SPAG16: variants seen among roughly 807,000 people sequenced by gnomAD.
The protein encoded by SPAG16 is sperm-associated antigen 16 protein.
Under a neutral mutation model 80.4 loss-of-function variants are expected in SPAG16, and 86 were observed. The ratio of observed to expected loss-of-function variants is 1.07; its 90% confidence interval spans 0.90 to 1.28. SPAG16 has a LOEUF of 1.28. Among genes scored for constraint, SPAG16 ranks in the 50% most tolerant of loss-of-function variants. SPAG16 has a pLI of 0.00. For missense variants in SPAG16, 870 were observed against 765.3 expected (o/e 1.14, Z -1.61); for synonymous variants, 294 against 265.9 (o/e 1.11, Z -1.03).
chr2:213,671,572 A>G (rs943142219), intron 10 of SPAG16, among the ~76,000 whole-genome samples: 1 of 152,022 alleles, frequency 6.6e-6, no homozygotes, highest in Non-Finnish European at 1.5e-5. Context: ...CCTCCATAAG[A>G]TTTCTTCCTC....
intron 10 of SPAG16, among the ~76,000 whole-genome samples, chr2:213,756,209 G>C (rs1559441316): frequency 6.6e-6 from 1 of 152,124 alleles, no homozygotes; most frequent in African/African-American, 2.4e-5. Flanking sequence ...GGCCAGGCAC[G>C]ATGGCTCATG....
intron 9 of SPAG16, among the ~76,000 whole-genome samples, chr2:213,425,971 C>T (rs1456335224): frequency 6.6e-6 from 1 of 152,110 alleles, no homozygotes; most frequent in Non-Finnish European, 1.5e-5. Flanking sequence ...TTTTCTCATT[C>T]CATATTCTTA....
chr2:213,484,252 A>C (rs539098023), intron 9 of SPAG16, among the ~76,000 whole-genome samples: 2 of 152,230 alleles, frequency 1.3e-5, no homozygotes, highest in Non-Finnish European at 2.9e-5. Context: ...ACATTTGGGA[A>C]ACATCATTTT....
intron 10 of SPAG16, among the ~76,000 whole-genome samples, chr2:213,709,351 C>A (rs528078254): frequency 6.6e-6 from 1 of 152,104 alleles, no homozygotes; most frequent in Admixed American, 6.5e-5. Flanking sequence ...ATAGGAGGGA[C>A]AAGACATTCC....
chr2:214,144,320 C>G (rs1378697815), intron 14 of SPAG16, among the ~76,000 whole-genome samples: 1 of 151,862 alleles, frequency 6.6e-6, no homozygotes, highest in Non-Finnish European at 1.5e-5. Context: ...TACACAAAAG[C>G]TTTAATAAAT....
At chr2:213,396,257 A>G (rs2068027500) in intron 9 of SPAG16, among the ~76,000 whole-genome samples, 1 of 152,178 alleles carries the variant, frequency 6.6e-6, no homozygotes, top group South Asian at 2.1e-4. Context: ...GAAATATTTT[A>G]TATTTTTATA....
chr2:213,711,785 G>T (rs2066000954), intron 10 of SPAG16, among the ~76,000 whole-genome samples: 1 of 151,928 alleles, frequency 6.6e-6, no homozygotes, highest in Admixed American at 6.6e-5. Context: ...CTCCCAAAGT[G>T]CTGGGATTAT....
At position 213,770,480 on chromosome 2, in the gene SPAG16, A is replaced by T. The variant is rs146596338; in HGVS notation, c.1071-92005A>T. The stretch of plus-strand genomic sequence containing the variant: ...TAAATTTAATTTAATTTTAAGTTCC[A>T]GGGTACATATGCAGGACATGCAGGT... On this transcript the variant is annotated intron_variant, in intron 10 of 15. Coordinates refer to ENST00000331683, the MANE Select transcript of SPAG16 (RefSeq NM_024532.5). Among the ~76,000 whole-genome samples, 6 of 152,256 alleles carry T rather than the reference A, an allele frequency of 3.9e-5. No homozygotes were observed. The East Asian group carries it at 9.6e-4, about 24-fold the overall frequency.
At chr2:213,713,856 C>G (rs2066114970) in intron 10 of SPAG16, among the ~76,000 whole-genome samples, 1 of 152,116 alleles carries the variant, frequency 6.6e-6, no homozygotes, top group Non-Finnish European at 1.5e-5. Context: ...TTATCTATCA[C>G]AGGAAAGAAG....
At chr2:213,802,668 A>C (rs1292854314) in intron 10 of SPAG16, among the ~76,000 whole-genome samples, 1 of 152,182 alleles carries the variant, frequency 6.6e-6, no homozygotes, top group African/African-American at 2.4e-5. Context: ...GAGGAATAAC[A>C]TTAAGAGTAT....
intron 11 of SPAG16, among the ~76,000 whole-genome samples, chr2:213,868,114 T>G (rs12470449): frequency 0.59 from 90,050 of 151,550 alleles, 28,649 homozygotes; most frequent in South Asian, 0.85. Flanking sequence ...AGTAAATGAT[T>G]AAGATAGTTA....
chr2:214,154,905 G>T (rs2056145722), intron 15 of SPAG16, among the ~76,000 whole-genome samples: 1 of 152,084 alleles, frequency 6.6e-6, no homozygotes, highest in Non-Finnish European at 1.5e-5. Context: ...TATGAAACAA[G>T]GGCTTTCAGA....
At chr2:214,261,678 TTTATTTGTGC>T (rs1226165337) in intron 15 of SPAG16, among the ~76,000 whole-genome samples, 1 of 152,214 alleles carries the variant, frequency 6.6e-6, no homozygotes, top group Admixed American at 6.5e-5. Context: ...AGAGTAATTT[TTTATTTGTGC>T]TTATTAAGTT....
At chr2:213,381,313 A>G (rs72939056) in intron 9 of SPAG16, among the ~76,000 whole-genome samples, 33,481 of 152,192 alleles carry the variant, frequency 0.22, 4,530 homozygotes, top group Non-Finnish European at 0.31. Flanking sequence ...TAGTGAACCC[A>G]ACATGATACA....
intron 10 of SPAG16, among the ~76,000 whole-genome samples, chr2:213,765,435 C>T (rs556462259): frequency 9.2e-5 from 14 of 152,178 alleles, no homozygotes; most frequent in African/African-American, 3.1e-4. Flanking sequence ...TTTCATCAGG[C>T]TTAGAAGAAT....
intron 10 of SPAG16, among the ~76,000 whole-genome samples, chr2:213,718,149 C>CAAAAAAAAAAAAAAAAAAAAAAAA: frequency 1.1e-5 from 1 of 92,236 alleles, no homozygotes; most frequent in Non-Finnish European, 2.0e-5. Context: ...AACAAGTTTA[C>CAAAAAAAAAAAAAAAAAAAAAAAA]AAAAAAAAAA....
chr2:213,929,543 G>A (rs1489115416), intron 11 of SPAG16, among the ~76,000 whole-genome samples: 1 of 152,046 alleles, frequency 6.6e-6, no homozygotes, highest in Non-Finnish European at 1.5e-5. Flanking sequence ...CTAAACATAA[G>A]CAATGCTGAC....
chr2:213,946,186 C>T (rs1042728992), intron 12 of SPAG16, among the ~76,000 whole-genome samples: 1 of 152,086 alleles, frequency 6.6e-6, no homozygotes, highest in African/African-American at 2.4e-5. Flanking sequence ...ACCATCTTGG[C>T]TCACTGCAAC....
At chr2:213,353,549 GTA>G (rs2065454733) in intron 7 of SPAG16, among the ~76,000 whole-genome samples, 1 of 152,180 alleles carries the variant, frequency 6.6e-6, no homozygotes, top group African/African-American at 2.4e-5. Flanking sequence ...CTAACAGCAA[GTA>G]TACTTATATT....
Sources: allele counts gnomAD v4.1 joint callset (sites outside exome capture counted in the v4.1 genomes callset), GRCh38; gene constraint gnomAD v4.1.1; transcripts MANE v1.5; gene names NCBI Gene and HGNC (gene_info 2026-07-23, HGNC 2026-07-21).